The following CAMK2D variants were observed in gnomAD, a reference collection of about 807,000 sequenced individuals.
The protein encoded by CAMK2D is calcium/calmodulin dependent protein kinase II delta.
In CAMK2D, 37 loss-of-function variants were observed where a neutral mutation model predicts 84.0. The observed-to-expected ratio is 0.44, with a 90% CI of 0.34 to 0.58. The LOEUF (loss-of-function observed/expected upper bound fraction) is 0.58, where lower values mean the gene tolerates loss of function less well. Among genes scored for constraint, CAMK2D ranks in the 20% least tolerant of loss-of-function variants. CAMK2D has a pLI of 0.02. For missense variants in CAMK2D, 448 were observed against 652.5 expected (o/e 0.69, Z 3.41); for synonymous variants, 202 against 212.5 (o/e 0.95, Z 0.43).
intron 8 of CAMK2D, among the ~76,000 whole-genome samples, chr4:113,525,581 C>T (rs904881175): frequency 2.0e-5 from 3 of 152,060 alleles, no homozygotes; most frequent in East Asian, 1.9e-4. Flanking sequence ...ACTCTGTGTG[C>T]GATCACAAAA....
intron 6 of CAMK2D, among the ~76,000 whole-genome samples, chr4:113,538,990 T>C (rs2154189023): frequency 6.6e-6 from 1 of 152,324 alleles, no homozygotes; most frequent in Non-Finnish European, 1.5e-5. Flanking sequence ...ATTTGGAGTA[T>C]GGGATAAAGA....
At chr4:113,699,107 T>A (rs2099411093) in intron 2 of CAMK2D, among the ~76,000 whole-genome samples, 1 of 152,098 alleles carries the variant, frequency 6.6e-6, no homozygotes, top group Admixed American at 6.6e-5. Flanking sequence ...TCCCTGGGCT[T>A]ATCTACTGGC....
At chr4:113,556,112 A>T (rs1299294275) in intron 4 of CAMK2D, among the ~76,000 whole-genome samples, 3 of 152,306 alleles carry the variant, frequency 2.0e-5, no homozygotes, top group Middle Eastern at 3.4e-3. Context: ...CAAAAGACTA[A>T]GAAAATGTGC....
At chr4:113,612,392 A>G (rs2099004106) in intron 3 of CAMK2D, among the ~76,000 whole-genome samples, 1 of 152,172 alleles carries the variant, frequency 6.6e-6, no homozygotes, top group African/African-American at 2.4e-5. Flanking sequence ...ATTATTCCCT[A>G]TAAATAACTG....
intron 2 of CAMK2D, among the ~76,000 whole-genome samples, chr4:113,733,854 T>G (rs2099574888): frequency 6.6e-6 from 1 of 152,172 alleles, no homozygotes; most frequent in Non-Finnish European, 1.5e-5. Flanking sequence ...TTACTTGACA[T>G]CTGACTTTTA....
intron 2 of CAMK2D, among the ~76,000 whole-genome samples, chr4:113,701,852 G>A (rs2099418579): frequency 6.6e-6 from 1 of 152,122 alleles, no homozygotes; most frequent in African/African-American, 2.4e-5. Flanking sequence ...TGGGACCACA[G>A]GCATGCGCCA....
intron 2 of CAMK2D, chr4:113,755,206 AC>A: frequency 3.6e-6 from 1 of 274,902 alleles, no homozygotes; most frequent in Non-Finnish European, 5.5e-6. Context: ...ACACACACAC[AC>A]AAAACATTTA....
chr4:113,692,089 T>C (rs2099388674), intron 2 of CAMK2D, among the ~76,000 whole-genome samples: 1 of 152,206 alleles, frequency 6.6e-6, no homozygotes, highest in African/African-American at 2.4e-5. Context: ...CTTCAACCTC[T>C]TGTTCTCTAA....
intron 16 of CAMK2D, among the ~76,000 whole-genome samples, chr4:113,466,829 G>A (rs1328150801): frequency 3.3e-5 from 5 of 152,148 alleles, no homozygotes; most frequent in African/African-American, 1.2e-4. Flanking sequence ...TTATGCATAT[G>A]CTATCTCTTG....
intron 3 of CAMK2D, among the ~76,000 whole-genome samples, chr4:113,660,556 AT>A (rs1343891458): frequency 6.6e-6 from 1 of 151,902 alleles, no homozygotes; most frequent in Non-Finnish European, 1.5e-5. Flanking sequence ...CATCCAGCTA[AT>A]TTTTTTAATA....
chr4:113,539,912 C>A (rs967237731), intron 6 of CAMK2D, among the ~76,000 whole-genome samples: 1 of 151,890 alleles, frequency 6.6e-6, no homozygotes. Flanking sequence ...ATAATGAAAA[C>A]TAAAAAATTT....
intron 3 of CAMK2D, among the ~76,000 whole-genome samples, chr4:113,609,680 T>C (rs147354593): frequency 1.3e-5 from 2 of 152,254 alleles, no homozygotes; most frequent in East Asian, 3.9e-4. Flanking sequence ...AGAGGAATGA[T>C]TCCAAGTCTA....
chr4:113,676,680 T>C (rs2099319489), intron 2 of CAMK2D, among the ~76,000 whole-genome samples: 1 of 152,212 alleles, frequency 6.6e-6, no homozygotes, highest in Admixed American at 6.5e-5. Flanking sequence ...GCAGGAACAC[T>C]GAAAGGTCCT....
At chr4:113,655,957 T>C (rs2099198069) in intron 3 of CAMK2D, among the ~76,000 whole-genome samples, 1 of 152,112 alleles carries the variant, frequency 6.6e-6, no homozygotes, top group Admixed American at 6.6e-5. Context: ...GAATATCAAA[T>C]AATTTTGAGA....
intron 4 of CAMK2D, among the ~76,000 whole-genome samples, chr4:113,565,639 A>T (rs2098719758): frequency 6.7e-6 from 1 of 149,688 alleles, no homozygotes; most frequent in Admixed American, 6.7e-5. Context: ...AGACACAGTG[A>T]GACTCTGTCT....
intron 10 of CAMK2D, among the ~76,000 whole-genome samples, chr4:113,514,487 G>A (rs2098260299): frequency 6.6e-6 from 1 of 152,070 alleles, no homozygotes; most frequent in African/African-American, 2.4e-5. Flanking sequence ...TTATTTTAAT[G>A]TCTTCAATCA....
intron 3 of CAMK2D, among the ~76,000 whole-genome samples, chr4:113,642,146 A>G (rs1561545062): frequency 6.6e-6 from 1 of 152,198 alleles, no homozygotes; most frequent in Non-Finnish European, 1.5e-5. Flanking sequence ...CTGCCATTTT[A>G]TCAAGGGAAT....
chr4:113,471,802 T>G (rs2097549649), intron 16 of CAMK2D, among the ~76,000 whole-genome samples: 1 of 151,824 alleles, frequency 6.6e-6, no homozygotes, highest in Non-Finnish European at 1.5e-5. Context: ...CCCACCCCTT[T>G]AAGGTTTCTA....
At chr4:113,459,783 T>C (rs891988379) in intron 18 of CAMK2D, among the ~76,000 whole-genome samples, 8 of 151,832 alleles carry the variant, frequency 5.3e-5, no homozygotes, top group Admixed American at 5.3e-4. Flanking sequence ...TGCGCCACCA[T>C]GCCCAGCTAA....
Sources: gnomAD v4.1 joint callset for allele counts (sites outside exome capture counted in the v4.1 genomes callset) on GRCh38, gnomAD v4.1.1 for gene constraint, MANE v1.5 for transcripts, NCBI Gene and HGNC (gene_info 2026-07-23, HGNC 2026-07-21) for gene names.